SETD2: variants seen among roughly 807,000 people sequenced by gnomAD.
SETD2 encodes the protein histone-lysine N-methyltransferase SETD2.
In SETD2, 31 loss-of-function variants were observed where a neutral mutation model predicts 242.1. The observed-to-expected ratio is 0.13, with a 90% CI of 0.10 to 0.17. The LOEUF is 0.17. SETD2 is among the 10% of genes least tolerant of loss of function. SETD2 has a pLI of 1.00. For synonymous variants in SETD2, 1,006 were observed against 1,066.5 expected (o/e 0.94, Z 1.11); for missense variants, 2,481 against 3,046.3 (o/e 0.81, Z 4.37).
At chr3:47,136,564 C>T (rs149056083) in intron 1 of SETD2, among the ~76,000 whole-genome samples, 2 of 152,296 alleles carry the variant, frequency 1.3e-5, no homozygotes, top group Non-Finnish European at 2.9e-5. Context: ...AATGTTCTCA[C>T]TTGTAAGTGG....
At position 47,116,734 on chromosome 3, in the gene SETD2, C is replaced by T. The variant is rs2107728956; in HGVS notation, c.4475G>A (p.Arg1492Gln). ...CTCACACTGCATTCGCTTAATATCTCGATGAGATTTATTCTTCTTTCTATT... is the reference window on the plus strand; with the variant it reads ...CTCACACTGCATTCGCTTAATATCTTGATGAGATTTATTCTTCTTTCTATT... Reference protein sequence around the residue: ...LTERKKNKSHRDIKRMQCECT... With the variant: ...LTERKKNKSHQDIKRMQCECT... The change falls in exon 4 of 21, where the codon CGA (arginine) becomes CAA (glutamine). Residue 1492 changes from arginine to glutamine, a missense_variant. By Grantham distance (43) the Arg-to-Gln change is conservative. Around this residue, in one of 17 missense-constraint regions of SETD2, gnomAD observed 48 missense variants for 76.6 expected, o/e 0.63. Coordinates refer to ENST00000409792, the MANE Select transcript of SETD2 (RefSeq NM_014159.7). 1 of 1,600,294 alleles carries T rather than the reference C, an allele frequency of 6.2e-7. No individual in the cohort carries two copies. Among genetic ancestry groups the T allele is most frequent in the Non-Finnish European group, 8.5e-7 (1 of 1,170,226 alleles).
rs1207513586 is a variant in SETD2, at chr3:47,086,298, G to C, written c.5294C>G (p.Ser1765Cys). The C allele has an allele frequency of 2.5e-6, 4 of 1,612,472 alleles. No individual in the cohort carries two copies. Among genetic ancestry groups the C allele is most frequent in the Non-Finnish European group, 3.4e-6 (4 of 1,178,908 alleles). ...ACGTTCCAGAAAGGACTTCAGGCAG[G>C]ACTGTGAGTGTGTGTTCTTTCATGG... Reference protein sequence around the residue: ...LELIQNTHSQSCLKSFLERHG... With the variant: ...LELIQNTHSQCCLKSFLERHG... Residue 1765 changes from serine to cysteine, a missense_variant, in exon 11 of 21, where the codon TCC becomes TGC. Around this residue, in one of 17 missense-constraint regions of SETD2, gnomAD observed 62 missense variants for 136.7 expected, o/e 0.45. Coordinates refer to ENST00000409792, the MANE Select transcript of SETD2 (RefSeq NM_014159.7).
intron 1 of SETD2, among the ~76,000 whole-genome samples, chr3:47,150,780 G>C (rs1040107114): frequency 3.3e-5 from 5 of 152,014 alleles, no homozygotes; most frequent in Middle Eastern, 6.8e-3. Flanking sequence ...CCAGGAGTTC[G>C]AGACCCTGTC....
intron 6 of SETD2, among the ~76,000 whole-genome samples, chr3:47,105,415 A>AG (rs1017085763): frequency 2.0e-5 from 3 of 151,292 alleles, no homozygotes; most frequent in Non-Finnish European, 4.4e-5. Context: ...ATCTCTAAAA[A>AG]AAAAAAAAAA....
intron 18 of SETD2, chr3:47,029,092 C>G (rs1042033702): frequency 2.5e-5 from 4 of 162,594 alleles, no homozygotes; most frequent in African/African-American, 9.9e-5. Context: ...GAGACGAGGT[C>G]TCACTCTGTC....
intron 2 of SETD2, among the ~76,000 whole-genome samples, chr3:47,124,909 G>T (rs2043266042): frequency 6.6e-6 from 1 of 152,050 alleles, no homozygotes; most frequent in Non-Finnish European, 1.5e-5. Context: ...TGTATAAAGG[G>T]CAATATCTAA....
intron 14 of SETD2, among the ~76,000 whole-genome samples, chr3:47,061,109 T>G (rs547979294): frequency 6.0e-4 from 91 of 152,098 alleles, no homozygotes; most frequent in African/African-American, 2.1e-3. Context: ...TTCCAGCTAC[T>G]CAGGAGGCTG....
At chr3:47,125,306 G>A (rs948127488) in intron 2 of SETD2, among the ~76,000 whole-genome samples, 9 of 149,376 alleles carry the variant, frequency 6.0e-5, no homozygotes, top group African/African-American at 2.0e-4. Flanking sequence ...GCAACAGAGC[G>A]AGCCTCTGTC....
chr3:47,095,204 C>T (rs1046235629), intron 9 of SETD2, among the ~76,000 whole-genome samples: 2 of 152,154 alleles, frequency 1.3e-5, no homozygotes, highest in Admixed American at 6.5e-5. Flanking sequence ...GGTGCCATCT[C>T]GGCTCACTGC....
intron 1 of SETD2, among the ~76,000 whole-genome samples, chr3:47,140,791 G>C (rs965048196): frequency 6.6e-6 from 1 of 152,062 alleles, no homozygotes; most frequent in Non-Finnish European, 1.5e-5. Flanking sequence ...AATCCCAGTG[G>C]GGTGGAGGTT....
chr3:47,099,432 C>T (rs2042124292), intron 8 of SETD2, among the ~76,000 whole-genome samples: 1 of 152,042 alleles, frequency 6.6e-6, no homozygotes, highest in Admixed American at 6.6e-5. Context: ...TTGCATAGGT[C>T]ACTGGTCCTA....
At chr3:47,066,099 G>A (rs543852025) in intron 13 of SETD2, among the ~76,000 whole-genome samples, 1 of 152,236 alleles carries the variant, frequency 6.6e-6, no homozygotes, top group Non-Finnish European at 1.5e-5. Context: ...TCTGCTCAAG[G>A]TGAAGATAAG....
At chr3:47,046,462 T>G (rs2107548798) in intron 16 of SETD2, 25 bp downstream of exon 16, 1 of 1,567,828 alleles carries the variant, frequency 6.4e-7, no homozygotes, top group Non-Finnish European at 8.7e-7. Flanking sequence ...AGCCAATGAG[T>G]TTTAACAACT....
At chr3:47,105,845 G>C in intron 6 of SETD2, 152 bp downstream of exon 6, 1 of 800,608 alleles carries the variant, frequency 1.2e-6, no homozygotes. Flanking sequence ...AGGGGTTGCA[G>C]TGAGCCGAGA....
intron 12 of SETD2, among the ~76,000 whole-genome samples, chr3:47,082,892 A>G (rs2041376677): frequency 6.6e-6 from 1 of 152,212 alleles, no homozygotes; most frequent in Non-Finnish European, 1.5e-5. Flanking sequence ...GCAAAGAGTC[A>G]GGATTGCTGG....
At chr3:47,024,498 A>G (rs2038381517) in intron 18 of SETD2, among the ~76,000 whole-genome samples, 1 of 151,352 alleles carries the variant, frequency 6.6e-6, no homozygotes, top group Non-Finnish European at 1.5e-5. Flanking sequence ...AAACAAACAA[A>G]CAAATTAGCT....
At chr3:47,027,504 A>G (rs1052499608) in intron 18 of SETD2, among the ~76,000 whole-genome samples, 1 of 152,088 alleles carries the variant, frequency 6.6e-6, no homozygotes, top group African/African-American at 2.4e-5. Flanking sequence ...TGGCACGTGT[A>G]TACATATGTA....
At chr3:47,092,087 G>GA (rs2107660727) in intron 9 of SETD2, among the ~76,000 whole-genome samples, 1 of 152,136 alleles carries the variant, frequency 6.6e-6, no homozygotes, top group Non-Finnish European at 1.5e-5. Flanking sequence ...AGGATATAAA[G>GA]AAAATCACGT....
At chr3:47,142,793 G>C (rs557953102) in intron 1 of SETD2, among the ~76,000 whole-genome samples, 20 of 151,570 alleles carry the variant, frequency 1.3e-4, no homozygotes, top group African/African-American at 4.8e-4. Context: ...TCAGCCTTCT[G>C]AGTAGCTGGG....
Sources: gnomAD v4.1 joint callset for allele counts (sites outside exome capture counted in the v4.1 genomes callset) on GRCh38, gnomAD v4.1.1 for gene constraint, gnomAD v4.1.1 regional missense constraint, MANE v1.5 for transcripts, NCBI Gene and HGNC (gene_info 2026-07-23, HGNC 2026-07-21) for gene names.